The following IPO7 variants were observed in gnomAD, a reference collection of about 807,000 sequenced individuals.
IPO7 encodes importin 7, also known as importin-7.
IPO7 carries 13 observed loss-of-function variants against 136.4 expected under a neutral mutation model. The observed-to-expected ratio is 0.10, with a 90% CI of 0.06 to 0.15. IPO7 has a LOEUF of 0.15. Among genes scored for constraint, IPO7 ranks in the 10% least tolerant of loss-of-function variants. The pLI, the probability that IPO7 is intolerant of heterozygous loss-of-function variation, is 1.00. For missense variants in IPO7, 857 were observed against 1,240.6 expected (o/e 0.69, Z 4.65); for synonymous variants, 403 against 404.4 (o/e 1.00, Z 0.04).
chr11:9,446,991 G>T lies in IPO7; in HGVS notation c.*1797G>T, dbSNP rs1003896343. 6.6e-6 allele frequency: 1 copy of T among 152,050 alleles called. No homozygotes were observed. Among genetic ancestry groups the T allele is most frequent in the African/African-American group, 2.4e-5 (1 of 41,406 alleles). The allele number at this position is 152,050 out of a possible 1,614,324, so 9.4% of individuals were successfully genotyped here. A position where few individuals can be genotyped will look rare whatever the true frequency, so the allele number is the denominator to read the frequency against. On this transcript the variant is annotated 3_prime_UTR_variant, in exon 25 of 25. Transcript: ENST00000379719. ...GTTGGACACCAACTGTATACCCTAG[G>T]TTGCTTAAAGGGATTTCACTATTAT...
intron 4 of IPO7, among the ~76,000 whole-genome samples, chr11:9,410,519 G>T (rs1015061190): frequency 7.9e-5 from 12 of 152,024 alleles, no homozygotes; most frequent in African/African-American, 2.9e-4. Flanking sequence ...TCTTTAAGAA[G>T]AATTCATTGG....
At chr11:9,442,589 A>AT (rs1432180672) in intron 24 of IPO7, among the ~76,000 whole-genome samples, 3 of 152,042 alleles carry the variant, frequency 2.0e-5, no homozygotes, top group Middle Eastern at 6.8e-3. Context: ...AATTTTTTGT[A>AT]TTTTTAGTAG....
chr11:9,420,816 T>A, intron 8 of IPO7, 118 bp downstream of exon 8: 1 of 665,820 alleles, frequency 1.5e-6, no homozygotes, highest in Non-Finnish European at 2.6e-6. Flanking sequence ...CTGTACCAGG[T>A]CTCAAACATT....
In IPO7 at chr11:9,413,012, T is replaced by TG. The variant is rs556103636; in HGVS notation, c.480-1240dup. On this transcript the variant is annotated intron_variant, in intron 4 of 24. Transcript: ENST00000379719. ...CTCCTGCCTCAGCCTCCCGAGTAGC[T>TG]GGGACTATAGGCGCCCGCCACCACG... Among the ~76,000 whole-genome samples the TG allele has an allele frequency of 2.6e-5, 4 of 151,462 alleles. No homozygotes were observed. The South Asian group carries it at 6.2e-4, about 24-fold the overall frequency.
intron 18 of IPO7, among the ~76,000 whole-genome samples, chr11:9,434,637 T>A (rs1315831227): frequency 6.6e-6 from 1 of 152,166 alleles, no homozygotes; most frequent in Non-Finnish European, 1.5e-5. Flanking sequence ...AAAAAAACTT[T>A]TAAAAATTAA....
At chr11:9,423,162 G>A (rs1855158091) in intron 9 of IPO7, 22 bp downstream of exon 9, 4 of 1,478,784 alleles carry the variant, frequency 2.7e-6, no homozygotes, top group Non-Finnish European at 2.8e-6. Context: ...TATCTGAAAT[G>A]TTTTTATAGT....
chr11:9,392,930 C>T (rs1412260709), intron 1 of IPO7, among the ~76,000 whole-genome samples: 2 of 128,874 alleles, frequency 1.6e-5, no homozygotes, highest in Non-Finnish European at 3.1e-5. Flanking sequence ...GCCTGGGCGA[C>T]AGCAAGACTC....
intron 5 of IPO7, among the ~76,000 whole-genome samples, chr11:9,416,527 C>T (rs772264319): frequency 1.3e-5 from 2 of 152,086 alleles, no homozygotes; most frequent in East Asian, 1.9e-4. Context: ...AATATAGCCC[C>T]GTCTCACTTG....
chr11:9,408,921 C>T (rs932343788), intron 3 of IPO7, among the ~76,000 whole-genome samples: 1 of 151,366 alleles, frequency 6.6e-6, no homozygotes, highest in African/African-American at 2.4e-5. Flanking sequence ...ACCATGTTGG[C>T]GAGGATGGTC....
chr11:9,409,450 A>G (rs998461891), intron 3 of IPO7, among the ~76,000 whole-genome samples: 20 of 152,178 alleles, frequency 1.3e-4, no homozygotes, highest in Admixed American at 1.2e-3. Flanking sequence ...CACATTGACG[A>G]AACCAAAAAC....
intron 23 of IPO7, among the ~76,000 whole-genome samples, chr11:9,441,365 G>C (rs887027828): frequency 7.2e-5 from 11 of 152,282 alleles, no homozygotes; most frequent in South Asian, 4.1e-4. Flanking sequence ...TATAGCATTT[G>C]TGTTTTACCA....
At chr11:9,433,004 T>TTTTTTTTTG (rs1283722932) in intron 16 of IPO7, 1 of 150,740 alleles carries the variant, frequency 6.6e-6, no homozygotes, top group African/African-American at 2.4e-5. Context: ...TTTTTTTTTT[T>TTTTTTTTTG]TGAGATGGAG....
At chr11:9,430,138 C>T (rs1206065592) in intron 15 of IPO7, among the ~76,000 whole-genome samples, 1 of 152,112 alleles carries the variant, frequency 6.6e-6, no homozygotes, top group Admixed American at 6.6e-5. Context: ...AATGCTCACT[C>T]ACCTACCACT....
At chr11:9,423,535 A>G (rs1590443477) in intron 9 of IPO7, among the ~76,000 whole-genome samples, 1 of 152,170 alleles carries the variant, frequency 6.6e-6, no homozygotes, top group Non-Finnish European at 1.5e-5. Context: ...TTTATAGACT[A>G]TATATATTTA....
intron 6 of IPO7, among the ~76,000 whole-genome samples, chr11:9,419,058 A>G (rs1855084882): frequency 6.6e-6 from 1 of 152,198 alleles, no homozygotes; most frequent in South Asian, 2.1e-4. Flanking sequence ...AGCTATGAAC[A>G]TTCTTACGTG....
chr11:9,400,130 G>A (rs573819866), intron 1 of IPO7, among the ~76,000 whole-genome samples: 3 of 152,208 alleles, frequency 2.0e-5, no homozygotes, highest in South Asian at 2.1e-4. Flanking sequence ...TAAATGCTAC[G>A]TAAATAGTTG....
chr11:9,419,865 G>A (rs573824395), intron 6 of IPO7, among the ~76,000 whole-genome samples: 1 of 151,930 alleles, frequency 6.6e-6, no homozygotes, highest in Non-Finnish European at 1.5e-5. Context: ...TACAATTGTC[G>A]TGGCCTTGAC....
At chr11:9,397,494 G>T (rs1371311703) in intron 1 of IPO7, among the ~76,000 whole-genome samples, 1 of 150,178 alleles carries the variant, frequency 6.7e-6, no homozygotes, top group Admixed American at 6.7e-5. Context: ...GCCTCCCAAA[G>T]CACTGGGATT....
At chr11:9,392,276 C>T (rs973068338) in intron 1 of IPO7, 4 of 311,522 alleles carry the variant, frequency 1.3e-5, no homozygotes, top group African/African-American at 4.9e-5. Context: ...CTCCCGGATT[C>T]GGGCAATTCT....
Sources: gnomAD v4.1 joint callset for allele counts (sites outside exome capture counted in the v4.1 genomes callset) on GRCh38, gnomAD v4.1.1 for gene constraint, MANE v1.5 for transcripts, NCBI Gene and HGNC (gene_info 2026-07-23, HGNC 2026-07-21) for gene names.